The following NAPA variants were observed in gnomAD, a reference collection of about 807,000 sequenced individuals.
The protein encoded by NAPA is alpha-soluble NSF attachment protein.
A neutral mutation model predicts 48.0 loss-of-function variants in NAPA; 18 were observed. That is an observed-to-expected ratio of 0.38 (90% CI 0.26 to 0.56). The LOEUF is 0.56. Ranked by LOEUF, NAPA falls within the 20% of genes least tolerant of loss-of-function variation. The pLI, the probability that NAPA is intolerant of heterozygous loss-of-function variation, is 0.77. For synonymous variants in NAPA, 152 were observed against 149.9 expected, an observed-to-expected ratio of 1.01 and a Z score of -0.10; for missense variants, 315 against 385.0, an observed-to-expected ratio of 0.82 and a Z score of 1.52.
chr19:47,487,560 G>C (rs1272194206), downstream of NAPA: 1 of 152,382 alleles, frequency 6.6e-6, no homozygotes, highest in Non-Finnish European at 1.5e-5. Flanking sequence ...CCAGAGTCTG[G>C]GGGACCAGGA....
At chr19:47,500,089 G>C (rs772215314) in intron 3 of NAPA, among the ~76,000 whole-genome samples, 1 of 152,162 alleles carries the variant, frequency 6.6e-6, no homozygotes, top group Non-Finnish European at 1.5e-5. Context: ...CCCCAAACTG[G>C]GTTTCTGTCC....
chr19:47,486,084 G>C (rs181202950), downstream of NAPA, among the ~76,000 whole-genome samples: 152 of 152,326 alleles, frequency 1.0e-3, 1 homozygote, highest in Middle Eastern at 0.014. Context: ...GGCCGGGCCT[G>C]GTGGCTCATG....
At chr19:47,495,187 T>G in intron 4 of NAPA, 1 of 298,224 alleles carries the variant, frequency 3.4e-6, no homozygotes, top group South Asian at 4.7e-5. Context: ...AGAGAGGAGG[T>G]CTTGCTATGT....
chr19:47,502,763 GC>G (rs1310764473), intron 2 of NAPA, among the ~76,000 whole-genome samples: 1 of 152,228 alleles, frequency 6.6e-6, no homozygotes, highest in Non-Finnish European at 1.5e-5. Flanking sequence ...CAGATCTCCA[GC>G]CTCCCTGAGC....
intron 1 of NAPA, among the ~76,000 whole-genome samples, chr19:47,511,925 G>A (rs761015661): frequency 2.6e-5 from 4 of 152,288 alleles, no homozygotes; most frequent in Non-Finnish European, 5.9e-5. Flanking sequence ...AAGGCAAACA[G>A]GAGCTCGCCA....
rs914738594 is a variant in NAPA at position 47,490,797 on chromosome 19, C to A, written c.726G>T (p.Lys242Asn). ...FPAFSDSREC[K>N]LMKKLLEAHE... Reference sequence around the variant, plus strand: ...AGCACCCAGCACTTACTTTCATCAACTTGCATTCCCGGGAATCAGAGAAAG... The same window carrying A: ...AGCACCCAGCACTTACTTTCATCAAATTGCATTCCCGGGAATCAGAGAAAG... The change falls in exon 9 of 11, where the codon AAG (lysine) becomes AAT (asparagine). Residue 242 changes from lysine to asparagine, a missense_variant. Physicochemically the swap from Lys to Asn is moderately conservative, Grantham distance 94 (BLOSUM62 0). Around this residue, in one of 3 missense-constraint regions of NAPA, gnomAD observed 137 missense variants for 150.1 expected, o/e 0.91. Coordinates refer to ENST00000263354, the MANE Select transcript of NAPA (RefSeq NM_003827.4). 2 of 1,613,744 alleles carry A rather than the reference C, an allele frequency of 1.2e-6. No homozygotes were observed. Among genetic ancestry groups the A allele is most frequent in the Non-Finnish European group, 1.7e-6 (2 of 1,179,828 alleles).
chr19:47,497,102 G>C (rs967185595), intron 3 of NAPA: 9 of 272,014 alleles, frequency 3.3e-5, no homozygotes, highest in Non-Finnish European at 6.7e-5. Flanking sequence ...GGCTAAGCCG[G>C]GCCACGCTGC....
At position 47,493,182 on chromosome 19, in the gene NAPA, G is replaced by C; in HGVS notation, c.421-8C>G. ...CTCGTAGTGGGCAATGGCCTGGGGA[G>C]ACACGGGGGATGGGTTCCAGGGGAG... is the stretch of plus-strand genomic sequence containing the variant. On this transcript the variant is annotated splice_region_variant and splice_polypyrimidine_tract_variant and intron_variant, in intron 5 of 10. Transcript: ENST00000263354. This position sits in a 1 kb window ranked among gnomAD's most constrained non-coding sequence, Gnocchi z 6.4. The C allele has an allele frequency of 6.3e-7, 1 of 1,581,692 alleles. No homozygotes were observed. The highest frequency in any genetic ancestry group is 8.6e-7 in the Non-Finnish European group (1 of 1,161,108).
At chr19:47,508,804 G>A (rs1176544363) in intron 1 of NAPA, among the ~76,000 whole-genome samples, 1 of 152,062 alleles carries the variant, frequency 6.6e-6, no homozygotes, top group Non-Finnish European at 1.5e-5. Context: ...ATGGCAGCAT[G>A]TCTGGCCACA....
intron 4 of NAPA, among the ~76,000 whole-genome samples, chr19:47,494,655 T>C (rs1172069550): frequency 2.0e-5 from 3 of 149,224 alleles, no homozygotes; most frequent in Non-Finnish European, 3.0e-5. Context: ...CGAGAATCGC[T>C]TGAACCTGGG....
At chr19:47,492,824 A>G (rs1228325165) in intron 7 of NAPA, 137 bp downstream of exon 7, 1 of 784,296 alleles carries the variant, frequency 1.3e-6, no homozygotes, top group Admixed American at 2.0e-5. Flanking sequence ...GGGGGATGAC[A>G]TGGCAAGGGA....
intron 10 of NAPA, 63 bp downstream of exon 10, chr19:47,489,648 G>A (rs1968184452): frequency 1.3e-6 from 2 of 1,571,542 alleles, no homozygotes; most frequent in Non-Finnish European, 1.7e-6. Flanking sequence ...TGTCTGAGAA[G>A]GGCAGCTTTC....
intron 2 of NAPA, 97 bp from the exon 3 acceptor site, chr19:47,500,846 GA>G (rs1599908859): frequency 1.1e-6 from 1 of 934,880 alleles, no homozygotes; most frequent in East Asian, 2.9e-5. Flanking sequence ...GGGCTCTCGA[GA>G]ATGCGGAAAG....
intron 1 of NAPA, 52 bp from the exon 2 acceptor site, chr19:47,503,554 G>C: frequency 2.6e-6 from 4 of 1,558,832 alleles, no homozygotes; most frequent in Non-Finnish European, 3.5e-6. Context: ...CTATCCAGGA[G>C]AAAGCAAGCA....
chr19:47,509,166 T>C (rs944475036), intron 1 of NAPA, among the ~76,000 whole-genome samples: 2 of 152,038 alleles, frequency 1.3e-5, no homozygotes, highest in Admixed American at 6.6e-5. Context: ...TAGTCAATAC[T>C]TGGCACAGAG....
intron 3 of NAPA, among the ~76,000 whole-genome samples, chr19:47,500,115 T>C (rs1489185692): frequency 6.6e-6 from 1 of 152,140 alleles, no homozygotes; most frequent in African/African-American, 2.4e-5. Flanking sequence ...ACGCTCTCAT[T>C]TTAAGTAATT....
chr19:47,507,184 G>C (rs1340595904), intron 1 of NAPA, among the ~76,000 whole-genome samples: 1 of 152,126 alleles, frequency 6.6e-6, no homozygotes, highest in Admixed American at 6.5e-5. Flanking sequence ...AGAGGGAACT[G>C]GTTTGGGCTG....
intron 4 of NAPA, among the ~76,000 whole-genome samples, chr19:47,494,735 CAAAA>C (rs11462456): frequency 3.0e-5 from 2 of 67,202 alleles, no homozygotes; most frequent in African/African-American, 1.2e-4. Context: ...AACTCTGTCT[CAAAA>C]AAAAAAAAAA....
chr19:47,488,514 A>AGG, intron 10 of NAPA, 125 bp from the exon 11 acceptor site: 1 of 687,850 alleles, frequency 1.5e-6, no homozygotes, highest in Non-Finnish European at 2.4e-6. Flanking sequence ...GGAGGAGTAG[A>AGG]GGGAGGGCTT....
Sources: gnomAD v4.1 joint callset for allele counts (sites outside exome capture counted in the v4.1 genomes callset) on GRCh38, gnomAD v4.1.1 for gene constraint, gnomAD v4.1.1 regional missense constraint, Gnocchi (gnomAD v3.1) non-coding constraint, MANE v1.5 for transcripts, NCBI Gene and HGNC (gene_info 2026-07-23, HGNC 2026-07-21) for gene names.